NRXN3: variants seen among roughly 807,000 people sequenced by gnomAD.
NRXN3 encodes neurexin 3.
NRXN3 carries 32 observed loss-of-function variants against 137.6 expected under a neutral mutation model. The observed-to-expected ratio is 0.23, with a 90% CI of 0.18 to 0.31. The LOEUF (loss-of-function observed/expected upper bound fraction) is 0.31. Ranked by LOEUF, NRXN3 falls within the 10% of genes least tolerant of loss-of-function variation. The pLI is 1.00. For synonymous variants in NRXN3, 798 were observed against 784.5 expected (o/e 1.02, Z -0.29); for missense variants, 1,574 against 2,062.5 (o/e 0.76, Z 4.59).
chr14:79,790,496 A>G (rs2099141739), intron 19 of NRXN3, among the ~76,000 whole-genome samples: 1 of 150,944 alleles, frequency 6.6e-6, no homozygotes, highest in South Asian at 2.1e-4. Context: ...TTTTGTTGAG[A>G]TGGGATTTCA....
At chr14:78,394,388 G>A (rs1489873348) in intron 4 of NRXN3, among the ~76,000 whole-genome samples, 3 of 151,800 alleles carry the variant, frequency 2.0e-5, no homozygotes, top group Admixed American at 1.3e-4. Context: ...ATAGGTTTTT[G>A]AATATTGAAA....
intron 10 of NRXN3, among the ~76,000 whole-genome samples, chr14:78,856,982 C>T (rs2099059135): frequency 6.6e-6 from 1 of 152,190 alleles, no homozygotes; most frequent in Non-Finnish European, 1.5e-5. Context: ...ATCTGCCTGC[C>T]TCAGCCTCCC....
At chr14:79,189,118 C>T (rs796568112) in intron 15 of NRXN3, among the ~76,000 whole-genome samples, 3 of 151,740 alleles carry the variant, frequency 2.0e-5, no homozygotes, top group Non-Finnish European at 4.4e-5. Context: ...TTCACAATAG[C>T]AAAGACTTGG....
At chr14:78,456,706 T>C (rs1449486897) in intron 4 of NRXN3, among the ~76,000 whole-genome samples, 1 of 152,114 alleles carries the variant, frequency 6.6e-6, no homozygotes, top group Non-Finnish European at 1.5e-5. Context: ...GAGGGTCCCC[T>C]CTGCTATTAC....
intron 8 of NRXN3, among the ~76,000 whole-genome samples, chr14:78,734,094 T>C (rs1453965934): frequency 6.6e-6 from 1 of 152,152 alleles, no homozygotes; most frequent in Non-Finnish European, 1.5e-5. Context: ...GCAGTGAGCA[T>C]AGTAAGACTT....
At chr14:79,035,621 C>T (rs2099614781) in intron 15 of NRXN3, among the ~76,000 whole-genome samples, 1 of 152,032 alleles carries the variant, frequency 6.6e-6, no homozygotes, top group African/African-American at 2.4e-5. Context: ...GAGAGATACA[C>T]ATGGTCAAAT....
At chr14:79,652,357 A>C (rs574995082) in intron 16 of NRXN3, among the ~76,000 whole-genome samples, 1 of 152,170 alleles carries the variant, frequency 6.6e-6, no homozygotes, top group Admixed American at 6.5e-5. Flanking sequence ...TCAAAAAATA[A>C]ATGCTTCTTC....
intron 6 of NRXN3, among the ~76,000 whole-genome samples, chr14:78,662,947 T>A (rs1170051652): frequency 1.3e-5 from 2 of 152,248 alleles, no homozygotes; most frequent in African/African-American, 2.4e-5. Flanking sequence ...CTAGCAATTA[T>A]TGAACACTTA....
chr14:78,595,116 A>G (rs770620705), intron 4 of NRXN3, among the ~76,000 whole-genome samples: 7 of 152,204 alleles, frequency 4.6e-5, no homozygotes, highest in Non-Finnish European at 1.0e-4. Flanking sequence ...ATAATGAAAT[A>G]CAGGGTGGCT....
intron 10 of NRXN3, among the ~76,000 whole-genome samples, chr14:78,903,717 A>C (rs2099205335): frequency 6.6e-6 from 1 of 152,078 alleles, no homozygotes; most frequent in South Asian, 2.1e-4. Context: ...CTCGTGTCAT[A>C]CTTATATGAC....
intron 10 of NRXN3, among the ~76,000 whole-genome samples, chr14:78,813,085 A>T (rs1329009741): frequency 6.6e-6 from 1 of 152,202 alleles, no homozygotes. Context: ...TTAAATTGAA[A>T]CCAAGTTGAT....
chr14:79,388,797 T>C (rs1055082921), intron 15 of NRXN3, among the ~76,000 whole-genome samples: 1 of 152,106 alleles, frequency 6.6e-6, no homozygotes, highest in Non-Finnish European at 1.5e-5. Context: ...GAATTGTAGC[T>C]CCCATAATGC....
At chr14:79,756,901 G>A (rs921639645) in intron 19 of NRXN3, among the ~76,000 whole-genome samples, 25 of 152,288 alleles carry the variant, frequency 1.6e-4, no homozygotes, top group African/African-American at 3.8e-4. Flanking sequence ...AATGTTTTCC[G>A]ACAATCCTTG....
intron 4 of NRXN3, among the ~76,000 whole-genome samples, chr14:78,494,466 G>C (rs2095735079): frequency 7.4e-6 from 1 of 134,370 alleles, no homozygotes; most frequent in Admixed American, 8.9e-5. Flanking sequence ...AACTTGATAA[G>C]GGAGTAGGCA....
intron 15 of NRXN3, among the ~76,000 whole-genome samples, chr14:79,045,172 G>A (rs2062744): frequency 0.32 from 49,157 of 152,044 alleles, 8,504 homozygotes; most frequent in Admixed American, 0.47. Flanking sequence ...TCCTGCCAAA[G>A]CAAAGTGACC....
intron 1 of NRXN3, among the ~76,000 whole-genome samples, chr14:78,223,242 G>A (rs899539582): frequency 1.3e-5 from 2 of 152,166 alleles, no homozygotes; most frequent in Admixed American, 6.5e-5. Flanking sequence ...AGGCCTCTTG[G>A]AATCTTTAAT....
At chr14:78,895,709 A>G (rs1291225764) in intron 10 of NRXN3, among the ~76,000 whole-genome samples, 1 of 151,820 alleles carries the variant, frequency 6.6e-6, no homozygotes, top group Non-Finnish European at 1.5e-5. Context: ...CTAGCTTTTG[A>G]TTTGAAGTTA....
chr14:79,261,115 G>T (rs1196011300), intron 15 of NRXN3, among the ~76,000 whole-genome samples: 5 of 152,184 alleles, frequency 3.3e-5, no homozygotes, highest in Admixed American at 2.0e-4. Flanking sequence ...CTGGGAAGGG[G>T]TGAGGAGGAG....
chr14:79,074,482 G>A (rs1363555859), intron 15 of NRXN3: 2 of 152,312 alleles, frequency 1.3e-5, no homozygotes, highest in Admixed American at 1.3e-4. Context: ...TAGATACTAG[G>A]GGTCTGTGTT....
Sources: gnomAD v4.1 joint callset for allele counts (sites outside exome capture counted in the v4.1 genomes callset) on GRCh38, gnomAD v4.1.1 for gene constraint, MANE v1.5 for transcripts, NCBI Gene and HGNC (gene_info 2026-07-23, HGNC 2026-07-21) for gene names.